Variants in DEAF1 observed in about 807,000 individuals in gnomAD.
The protein encoded by DEAF1 is DEAF1 transcription factor.
Under a neutral mutation model 58.9 loss-of-function variants are expected in DEAF1, and 53 were observed. That is an observed-to-expected ratio of 0.90 (90% CI 0.72 to 1.13). The LOEUF (loss-of-function observed/expected upper bound fraction) is 1.13. DEAF1 is among the 50% of genes most tolerant of loss of function. The probability of loss-of-function intolerance (pLI) is 0.00; values close to 1 mark genes in which losing one functional copy is unlikely to be tolerated. For missense variants in DEAF1, 685 were observed against 791.4 expected (o/e 0.87, Z 1.61); for synonymous variants, 385 against 340.4 (o/e 1.13, Z -1.44).
intron 6 of DEAF1, 57 bp from the exon 7 acceptor site, chr11:681,146 T>C (rs1590008421): frequency 1.2e-6 from 2 of 1,611,800 alleles, no homozygotes; most frequent in East Asian, 2.2e-5. Context: ...TATGCTGCGC[T>C]TGCAACTCCT....
At position 681,022 on chromosome 11, in the gene DEAF1, G is replaced by T; in HGVS notation, c.938C>A (p.Pro313His). Residue 313 changes from proline (P) to histidine (H), a missense_variant, in exon 7 of 12, where the codon CCC (proline) becomes CAC (histidine). By Grantham distance (77) the Pro-to-His change is moderately conservative. This residue lies in a region of DEAF1 where 343 missense variants were observed against 379.8 expected (regional missense o/e 0.90). Coordinates refer to ENST00000382409, the MANE Select transcript of DEAF1 (RefSeq NM_021008.4). ...RKKENELPTT[P>H]VKKDSPKNIT... The stretch of plus-strand genomic sequence containing the variant: ...GTTCTTGGGGGAGTCCTTCTTCACG[G>T]GAGTTGTGGGCAGTTCATTCTCCTT... 1 of 1,614,150 alleles carries T rather than the reference G, an allele frequency of 6.2e-7. No homozygotes were observed. The highest frequency in any genetic ancestry group is 8.5e-7 in the Non-Finnish European group (1 of 1,180,026).
chr11:679,987 G>T, intron 7 of DEAF1, 171 bp from the exon 8 acceptor site: 1 of 881,878 alleles, frequency 1.1e-6, no homozygotes, highest in Admixed American at 2.4e-5. Context: ...CCTTGGAGAA[G>T]ACCTCACAGG....
chr11:664,031 G>A (rs773028731), intron 10 of DEAF1, among the ~76,000 whole-genome samples: 33 of 152,092 alleles, frequency 2.2e-4, no homozygotes, highest in Non-Finnish European at 4.4e-4. Flanking sequence ...TGACCAACAT[G>A]AAGAAACCCC....
chr11:700,262 C>T (rs752371880), intron 1 of DEAF1: 32 of 1,594,914 alleles, frequency 2.0e-5, no homozygotes, highest in Middle Eastern at 1.6e-4. Flanking sequence ...CACAGTGGCT[C>T]ACGCCTGTAA....
rs7104035 is a variant in DEAF1, at chr11:703,510, A to G, written c.-438+3062T>C. The stretch of plus-strand genomic sequence containing the variant: ...CGAGAGGGAGGACAGAGCCCTTCAG[A>G]ACAGAGGCCTCATCTCACTGCATCC... On this transcript the variant is annotated intron_variant, in intron 1 of 11. Transcript: ENST00000683307. 1,773 of 1,242,562 alleles carry G rather than the reference A, an allele frequency of 1.4e-3. 18 individuals carry two copies. In the African/African-American group the frequency reaches 0.023, roughly 16 times the overall value. The allele number at this position is 1,242,562 out of a possible 1,614,324, so 77.0% of individuals were successfully genotyped here.
At chr11:670,333 T>G (rs1361567781) in intron 10 of DEAF1, among the ~76,000 whole-genome samples, 1 of 152,144 alleles carries the variant, frequency 6.6e-6, no homozygotes, top group Non-Finnish European at 1.5e-5. Context: ...GTTATAGATT[T>G]TTTTGCCTTT....
intron 10 of DEAF1, among the ~76,000 whole-genome samples, chr11:662,290 A>C (rs1315466750): frequency 6.6e-6 from 1 of 151,816 alleles, no homozygotes; most frequent in African/African-American, 2.4e-5. Flanking sequence ...CTCATAAAAC[A>C]AAAAAAAATT....
chr11:659,916 C>A (rs1030522110), intron 10 of DEAF1, among the ~76,000 whole-genome samples: 5 of 152,330 alleles, frequency 3.3e-5, no homozygotes, highest in African/African-American at 1.2e-4. Context: ...CAGCGTCACC[C>A]TGCATGGAGG....
At chr11:668,974 T>C (rs12796576) in intron 10 of DEAF1, among the ~76,000 whole-genome samples, 49,972 of 151,798 alleles carry the variant, frequency 0.33, 9,327 homozygotes, top group East Asian at 0.56. Flanking sequence ...TATAGGTGCC[T>C]GCCACCATGC....
Position 691,566 on chromosome 11 carries a change from C to T in DEAF1, c.322G>A (p.Ala108Thr), listed in dbSNP as rs2133421889. The change falls in exon 2 of 12, where the codon GCT (alanine) becomes ACT (threonine). Residue 108 changes from alanine (A) to threonine (T), a missense_variant. Physicochemically the swap from Ala to Thr is moderately conservative, Grantham distance 58. Coordinates refer to ENST00000382409, the MANE Select transcript of DEAF1 (RefSeq NM_021008.4). Reference protein sequence around the residue: ...VTTVTVANVGAAADNVFTTSV... With the variant: ...VTTVTVANVGTAADNVFTTSV... The stretch of plus-strand genomic sequence containing the variant: ...GTGGTGAAGACATTGTCTGCAGCAG[C>T]CCCCACGTTGGCCACTGTCACTGTG... 1 of 1,613,692 alleles carries T rather than the reference C, an allele frequency of 6.2e-7. No individual in the cohort carries two copies. The highest frequency in any genetic ancestry group is 8.5e-7 in the Non-Finnish European group (1 of 1,179,978).
chr11:697,931 G>T (rs1226855126), upstream of DEAF1: 1 of 152,212 alleles, frequency 6.6e-6, no homozygotes, highest in Non-Finnish European at 1.5e-5. Flanking sequence ...CCCCAGATCT[G>T]CCCAAGAAGC....
chr11:670,953 G>C (rs1375238778), intron 10 of DEAF1, among the ~76,000 whole-genome samples: 2 of 53,836 alleles, frequency 3.7e-5, no homozygotes, highest in Admixed American at 1.8e-4. Flanking sequence ...TTTTGAGACA[G>C]AGTCTCACTT....
At chr11:659,144 C>T (rs775552920) in intron 10 of DEAF1, among the ~76,000 whole-genome samples, 2 of 151,532 alleles carry the variant, frequency 1.3e-5, no homozygotes, top group Non-Finnish European at 2.9e-5. Flanking sequence ...GTAATCCCAG[C>T]ACTTTGGGAG....
At chr11:676,000 CCCCCGGCACCCG>C (rs1860044144) in intron 9 of DEAF1, among the ~76,000 whole-genome samples, 1 of 24,102 alleles carries the variant, frequency 4.1e-5, no homozygotes, top group Non-Finnish European at 1.1e-4. Context: ...CACCTGGCAC[CCCCCGGCACCCG>C]ACACCCCCCA....
chr11:702,818 C>A (rs947213431), intron 1 of DEAF1: 2 of 912,996 alleles, frequency 2.2e-6, no homozygotes, highest in Non-Finnish European at 3.2e-6. Context: ...CCCTGGAATT[C>A]CCCAGGCCCC....
chr11:677,149 A>G (rs1011892646), intron 9 of DEAF1, among the ~76,000 whole-genome samples: 1 of 150,762 alleles, frequency 6.6e-6, no homozygotes, highest in African/African-American at 2.4e-5. Context: ...TCCAGTTAAT[A>G]GAGATGGGGT....
At chr11:671,022 G>A (rs184990737) in intron 10 of DEAF1, among the ~76,000 whole-genome samples, 30 of 143,436 alleles carry the variant, frequency 2.1e-4, no homozygotes, top group African/African-American at 4.7e-4. Context: ...TCCACCTCCC[G>A]GGTTCACGCC....
intron 10 of DEAF1, among the ~76,000 whole-genome samples, 186 bp from the exon 11 acceptor site, chr11:654,237 C>T (rs1858940728): frequency 7.0e-6 from 1 of 142,386 alleles, no homozygotes; most frequent in Non-Finnish European, 1.5e-5. Context: ...GGTGCGATCT[C>T]AGCTCACTGC....
At chr11:696,142 G>A (rs964927147), upstream of DEAF1, among the ~76,000 whole-genome samples, 1 of 152,188 alleles carries the variant, frequency 6.6e-6, no homozygotes, top group Non-Finnish European at 1.5e-5. Context: ...CGTGGTTTTT[G>A]TGAAGACACG....
Sources: allele counts gnomAD v4.1 joint callset (sites outside exome capture counted in the v4.1 genomes callset), GRCh38; gene constraint gnomAD v4.1.1; regional missense constraint gnomAD v4.1.1; transcripts MANE v1.5; gene names NCBI Gene and HGNC (gene_info 2026-07-23, HGNC 2026-07-21).